Variants in FGGY observed in about 807,000 individuals in gnomAD.
FGGY encodes FGGY carbohydrate kinase domain containing, also known as FGGY carbohydrate kinase domain-containing protein.
A neutral mutation model predicts 71.3 loss-of-function variants in FGGY; 72 were observed. The ratio of observed to expected loss-of-function variants is 1.01; its 90% CI spans 0.84 to 1.23. The LOEUF (loss-of-function observed/expected upper bound fraction) is 1.23. FGGY is among the 50% of genes most tolerant of loss of function. The pLI, the probability that FGGY is intolerant of heterozygous loss-of-function variation, is 0.00. For missense variants in FGGY, 668 were observed against 682.3 expected (o/e 0.98, Z 0.23); for synonymous variants, 251 against 250.3 (o/e 1.00, Z -0.02).
Position 59,598,793 on chromosome 1 carries a change from A to G in FGGY, c.904-9010A>G, listed in dbSNP as rs115219696. On this transcript the variant is annotated intron_variant, in intron 8 of 15. Coordinates refer to ENST00000303721, the MANE Select transcript of FGGY (RefSeq NM_018291.5). ...TAATATTAGATGTGTTTTATATCCT[A>G]TTATTGCCCTTAATGTTAGTGTCAT... Among the ~76,000 whole-genome samples, 1,274 of 152,258 alleles carry G rather than the reference A, an allele frequency of 8.4e-3. 7 individuals are homozygous for G. The highest frequency in any genetic ancestry group is 0.01 in the Non-Finnish European group (713 of 68,016).
chr1:59,591,586 C>G (rs2096439399), intron 8 of FGGY, among the ~76,000 whole-genome samples: 1 of 152,184 alleles, frequency 6.6e-6, no homozygotes, highest in Non-Finnish European at 1.5e-5. Flanking sequence ...GGTAACAAAA[C>G]AGAGATATAG....
intron 12 of FGGY, among the ~76,000 whole-genome samples, chr1:59,663,377 C>T (rs550926990): frequency 5.3e-5 from 8 of 152,282 alleles, no homozygotes; most frequent in Admixed American, 2.0e-4. Context: ...TCCTAAGAAT[C>T]GTTTTTACTT....
Position 59,615,597 on chromosome 1 carries a change from A to C in FGGY, c.1011+7687A>C, listed in dbSNP as rs149903403. 2.6e-5 allele frequency among the ~76,000 whole-genome samples: 4 copies of C among 152,242 alleles called. No homozygotes were observed. The South Asian group carries it at 8.3e-4, about 31-fold the overall frequency. On this transcript the variant is annotated intron_variant, in intron 9 of 15. Coordinates refer to ENST00000303721, the MANE Select transcript of FGGY (RefSeq NM_018291.5). ...GGACATAGGCATGGGCAAGGACTTCATGACTAAAACATCAAAAGCAACGGC... is the reference window on the plus strand; with the variant it reads ...GGACATAGGCATGGGCAAGGACTTCCTGACTAAAACATCAAAAGCAACGGC...
At chr1:59,356,629 A>G (rs2054365749) in intron 4 of FGGY, among the ~76,000 whole-genome samples, 2 of 152,228 alleles carry the variant, frequency 1.3e-5, no homozygotes, top group Admixed American at 1.3e-4. Context: ...GAATGAGCGG[A>G]TGAACTTATT....
intron 7 of FGGY, among the ~76,000 whole-genome samples, chr1:59,538,069 A>C (rs962325611): frequency 1.9e-4 from 29 of 152,298 alleles, no homozygotes; most frequent in African/African-American, 7.0e-4. Context: ...CAACCTACAA[A>C]ATGGGAGAAA....
chr1:59,582,825 C>T (rs2096218965), intron 8 of FGGY, among the ~76,000 whole-genome samples: 1 of 150,264 alleles, frequency 6.7e-6, no homozygotes, highest in Non-Finnish European at 1.5e-5. Context: ...ACAAAGTCAG[C>T]TTTCAGGAAA....
chr1:59,608,659 C>T (rs2096646366), intron 9 of FGGY, among the ~76,000 whole-genome samples: 1 of 152,122 alleles, frequency 6.6e-6, no homozygotes, highest in Non-Finnish European at 1.5e-5. Flanking sequence ...ATGGTGAAAC[C>T]TCATCTCTAC....
intron 4 of FGGY, among the ~76,000 whole-genome samples, chr1:59,364,411 A>G (rs1274927849): frequency 6.6e-6 from 1 of 152,250 alleles, no homozygotes; most frequent in African/African-American, 2.4e-5. Context: ...GCTTGAATGA[A>G]AAAAGAGAAA....
At chr1:59,359,495 C>A (rs1365413001) in intron 4 of FGGY, among the ~76,000 whole-genome samples, 4 of 152,126 alleles carry the variant, frequency 2.6e-5, no homozygotes, top group Non-Finnish European at 5.9e-5. Flanking sequence ...CTGACTTTGT[C>A]CTCTTCTTTG....
chr1:59,533,905 ACT>A (rs747158448), intron 7 of FGGY, among the ~76,000 whole-genome samples: 3 of 152,198 alleles, frequency 2.0e-5, no homozygotes, highest in Non-Finnish European at 2.9e-5. Flanking sequence ...AAAACTGGAA[ACT>A]CTGAAACGCA....
intron 1 of FGGY, among the ~76,000 whole-genome samples, chr1:59,304,471 G>T (rs933774235): frequency 6.6e-6 from 1 of 151,952 alleles, no homozygotes; most frequent in Admixed American, 6.5e-5. Context: ...GATTATTATA[G>T]CTTTGTAATA....
chr1:59,374,060 C>A (rs1243184621), intron 4 of FGGY, among the ~76,000 whole-genome samples: 6 of 152,188 alleles, frequency 3.9e-5, no homozygotes, highest in Admixed American at 1.3e-4. Flanking sequence ...AATGGGATCT[C>A]ATTAAACTAA....
At chr1:59,537,270 G>A (rs370608261) in intron 7 of FGGY, among the ~76,000 whole-genome samples, 2 of 151,610 alleles carry the variant, frequency 1.3e-5, no homozygotes, top group Non-Finnish European at 1.5e-5. Context: ...GAATAAAATA[G>A]CTAGGAATCC....
At chr1:59,444,633 C>T (rs1479220428) in intron 5 of FGGY, among the ~76,000 whole-genome samples, 1 of 152,104 alleles carries the variant, frequency 6.6e-6, no homozygotes, top group Non-Finnish European at 1.5e-5. Flanking sequence ...TGAGCATTAC[C>T]ACCTGAGCAT....
intron 14 of FGGY, among the ~76,000 whole-genome samples, chr1:59,705,152 A>G (rs1312002548): frequency 1.3e-5 from 2 of 152,182 alleles, no homozygotes; most frequent in Admixed American, 6.5e-5. Flanking sequence ...TCTGCTCTAC[A>G]TACCAATTCT....
chr1:59,536,144 G>A (rs1482454495), intron 7 of FGGY, among the ~76,000 whole-genome samples: 4 of 151,574 alleles, frequency 2.6e-5, no homozygotes, highest in Non-Finnish European at 5.9e-5. Context: ...TGATAAAGGG[G>A]ATATCACCAC....
intron 7 of FGGY, among the ~76,000 whole-genome samples, chr1:59,535,802 A>G (rs976211326): frequency 2.0e-5 from 3 of 149,540 alleles, no homozygotes; most frequent in Non-Finnish European, 3.0e-5. Context: ...AAGACACAAC[A>G]TACCAGAATC....
intron 14 of FGGY, among the ~76,000 whole-genome samples, chr1:59,710,648 C>T (rs1450000930): frequency 3.3e-5 from 5 of 152,134 alleles, no homozygotes; most frequent in African/African-American, 4.8e-5. Context: ...TGAACAGACA[C>T]TTTTCAAAAG....
chr1:59,453,379 CTT>C (rs1035113105), intron 5 of FGGY, among the ~76,000 whole-genome samples: 8 of 152,198 alleles, frequency 5.3e-5, no homozygotes, highest in African/African-American at 1.9e-4. Context: ...CTTGGAAAAA[CTT>C]AGTTATGCTG....
Sources: allele counts gnomAD v4.1 joint callset (sites outside exome capture counted in the v4.1 genomes callset), GRCh38; gene constraint gnomAD v4.1.1; transcripts MANE v1.5; gene names NCBI Gene and HGNC (gene_info 2026-07-23, HGNC 2026-07-21).